DNAH11: variants seen among roughly 807,000 people sequenced by gnomAD.
DNAH11 encodes the protein dynein axonemal heavy chain 11.
Under a neutral mutation model 526.0 loss-of-function variants are expected in DNAH11, and 442 were observed. The observed-to-expected ratio is 0.84, with a 90% CI of 0.78 to 0.91. DNAH11 has a LOEUF of 0.91. DNAH11 is among the 40% of genes least tolerant of loss of function. The pLI is 0.00. For missense variants in DNAH11, 6,989 were observed against 5,448.7 expected (o/e 1.28, Z -8.90); for synonymous variants, 2,461 against 1,935.9 (o/e 1.27, Z -7.12).
At chr7:21,708,422 G>A (rs567932507) in intron 40 of DNAH11, among the ~76,000 whole-genome samples, 59 of 152,240 alleles carry the variant, frequency 3.9e-4, no homozygotes, top group Non-Finnish European at 4.9e-4. Context: ...TAGATGCCAC[G>A]TTAGTTGAAG....
chr7:21,787,336 T>A, intron 59 of DNAH11, 65 bp from the exon 60 acceptor site: 1 of 1,507,132 alleles, frequency 6.6e-7, no homozygotes, highest in Middle Eastern at 1.8e-4. Flanking sequence ...GATTTTAACT[T>A]TTGATCTTGG....
intron 79 of DNAH11, among the ~76,000 whole-genome samples, chr7:21,898,842 C>G (rs1328782844): frequency 2.0e-5 from 3 of 152,192 alleles, no homozygotes; most frequent in Non-Finnish European, 2.9e-5. Flanking sequence ...AGCTACTGCA[C>G]GTGCTTAGAC....
chr7:21,860,712 T>C (rs796598443), intron 68 of DNAH11, among the ~76,000 whole-genome samples: 12 of 152,278 alleles, frequency 7.9e-5, no homozygotes, highest in African/African-American at 2.9e-4. Context: ...TGACTCTGCT[T>C]ATATGAGTGT....
chr7:21,728,082 T>C (rs1337155631), intron 45 of DNAH11, among the ~76,000 whole-genome samples: 1 of 151,980 alleles, frequency 6.6e-6, no homozygotes, highest in Non-Finnish European at 1.5e-5. Context: ...TATTCCCAAA[T>C]ACAGCCACAT....
At chr7:21,705,162 T>C (rs1474478815) in intron 38 of DNAH11, among the ~76,000 whole-genome samples, 1 of 152,250 alleles carries the variant, frequency 6.6e-6, no homozygotes, top group Non-Finnish European at 1.5e-5. Context: ...TGATTGGCTA[T>C]GTACAGTGTT....
chr7:21,601,169 G>C lies in DNAH11; in HGVS notation c.3415G>C (p.Val1139Leu), dbSNP rs748573807. ...WMFQEHLLRF[V>L]IDSLNELQEF... ...GTTTCAGGAGCATCTTTTGAGATTT[G>C]TCATTGACAGGTAGCCTTTTACTTT... The change falls in exon 17 of 82, where the codon GTC (valine) becomes CTC (leucine). Residue 1139 changes from valine (V) to leucine (L), a missense_variant. Physicochemically the swap from Val to Leu is conservative, Grantham distance 32 (BLOSUM62 1). Coordinates refer to ENST00000409508, the MANE Select transcript of DNAH11 (RefSeq NM_001277115.2). The C allele has an allele frequency of 6.3e-7, 1 of 1,595,076 alleles. No homozygotes were observed. The highest frequency in any genetic ancestry group is 8.5e-7 in the Non-Finnish European group (1 of 1,175,316).
intron 9 of DNAH11, among the ~76,000 whole-genome samples, chr7:21,586,135 CTA>C (rs1784471939): frequency 6.6e-6 from 1 of 152,126 alleles, no homozygotes; most frequent in South Asian, 2.1e-4. Context: ...AGTATTTTCT[CTA>C]TGTATTTTCT....
chr7:21,698,149 C>T lies in DNAH11; in HGVS notation c.6116C>T (p.Ala2039Val), dbSNP rs371460473. Residue 2039 changes from alanine (A) to valine (V), a missense_variant, in exon 36 of 82, where the codon GCG becomes GTG. Transcript: ENST00000409508. ...TTAGTTGCTGAAGGTTTTGTGGATGCGCGTGCATTAGCCCGAAAGTTCATT... is the reference window on the plus strand; with the variant it reads ...TTAGTTGCTGAAGGTTTTGTGGATGTGCGTGCATTAGCCCGAAAGTTCATT... ...ILLVAEGFVD[A>V]RALARKFITL... 74 of 1,613,584 alleles carry T rather than the reference C, an allele frequency of 4.6e-5. No homozygotes were observed. In the Middle Eastern group the frequency reaches 5.0e-4, roughly 11 times the overall value.
chr7:21,848,104 T>G (rs1249588376), intron 66 of DNAH11, among the ~76,000 whole-genome samples: 1 of 149,072 alleles, frequency 6.7e-6, no homozygotes, highest in East Asian at 2.0e-4. Context: ...GAGGTAGAGC[T>G]TGCAGTGAGC....
chr7:21,671,511 C>A (rs983223835), intron 30 of DNAH11, among the ~76,000 whole-genome samples: 1 of 152,140 alleles, frequency 6.6e-6, no homozygotes, highest in African/African-American at 2.4e-5. Context: ...GTCCTACTTT[C>A]ATTTCTGGGG....
At chr7:21,780,342 C>G (rs1399186293) in intron 57 of DNAH11, among the ~76,000 whole-genome samples, 1 of 152,018 alleles carries the variant, frequency 6.6e-6, no homozygotes, top group South Asian at 2.1e-4. Flanking sequence ...CCCAGGAGTT[C>G]GAGACCTGCC....
At chr7:21,799,673 T>A (rs1324894345) in intron 61 of DNAH11, among the ~76,000 whole-genome samples, 2 of 152,166 alleles carry the variant, frequency 1.3e-5, no homozygotes, top group Non-Finnish European at 2.9e-5. Flanking sequence ...ATGTATAATA[T>A]CTCCATCAAT....
chr7:21,791,608 C>T (rs780080151), intron 61 of DNAH11, among the ~76,000 whole-genome samples: 11 of 152,188 alleles, frequency 7.2e-5, no homozygotes, highest in Non-Finnish European at 1.6e-4. Flanking sequence ...AGAGCTCCCC[C>T]ATCTACTTCG....
intron 45 of DNAH11, among the ~76,000 whole-genome samples, chr7:21,726,360 C>T (rs1257820299): frequency 3.9e-5 from 6 of 152,074 alleles, no homozygotes; most frequent in South Asian, 2.1e-4. Context: ...GCCCCACCTG[C>T]AACATTGTGG....
chr7:21,796,254 C>A (rs991622950), intron 61 of DNAH11, among the ~76,000 whole-genome samples: 2 of 152,170 alleles, frequency 1.3e-5, no homozygotes, highest in Admixed American at 1.3e-4. Flanking sequence ...TCAGTGGGCC[C>A]TAGCAGAATA....
At chr7:21,566,807 G>A (rs1293411000) in intron 6 of DNAH11, among the ~76,000 whole-genome samples, 4 of 151,952 alleles carry the variant, frequency 2.6e-5, no homozygotes, top group African/African-American at 9.7e-5. Context: ...AAATGGTTCT[G>A]GAGTTTTATC....
At chr7:21,579,149 C>G (rs1562675754) in intron 8 of DNAH11, among the ~76,000 whole-genome samples, 1 of 152,162 alleles carries the variant, frequency 6.6e-6, no homozygotes, top group African/African-American at 2.4e-5. Flanking sequence ...CTAAGTCAAA[C>G]CATGGCTTTT....
chr7:21,822,957 C>CTT (rs67284255), intron 65 of DNAH11, among the ~76,000 whole-genome samples: 2 of 60,560 alleles, frequency 3.3e-5, no homozygotes, highest in Non-Finnish European at 2.8e-5. Flanking sequence ...AGATTATTTG[C>CTT]TTTTTTTTTT....
chr7:21,795,220 G>C (rs1353257036), intron 61 of DNAH11, among the ~76,000 whole-genome samples: 1 of 151,970 alleles, frequency 6.6e-6, no homozygotes, highest in Non-Finnish European at 1.5e-5. Context: ...TTTACTCATA[G>C]GCCACACAAA....
Sources: allele counts gnomAD v4.1 joint callset (sites outside exome capture counted in the v4.1 genomes callset), GRCh38; gene constraint gnomAD v4.1.1; transcripts MANE v1.5; gene names NCBI Gene and HGNC (gene_info 2026-07-23, HGNC 2026-07-21).